INPP4B: variants seen among roughly 807,000 people sequenced by gnomAD.
INPP4B encodes inositol polyphosphate-4-phosphatase type II B.
Under a neutral mutation model 122.5 loss-of-function variants are expected in INPP4B, and 55 were observed. The ratio of observed to expected loss-of-function variants is 0.45; its 90% CI spans 0.36 to 0.56. The LOEUF is 0.56. INPP4B is among the 20% of genes least tolerant of loss of function. INPP4B has a pLI of 0.00. For missense variants in INPP4B, 1,000 were observed against 1,097.7 expected (o/e 0.91, Z 1.26); for synonymous variants, 403 against 388.7 (o/e 1.04, Z -0.43).
intron 2 of INPP4B, among the ~76,000 whole-genome samples, chr4:142,500,385 G>A (rs1823212632): frequency 6.6e-6 from 1 of 152,132 alleles, no homozygotes; most frequent in African/African-American, 2.4e-5. Flanking sequence ...TTTATCAGGA[G>A]CAATAGTAAT....
intron 2 of INPP4B, among the ~76,000 whole-genome samples, chr4:142,661,971 C>T (rs532031180): frequency 5.3e-5 from 8 of 152,242 alleles, no homozygotes; most frequent in African/African-American, 1.4e-4. Flanking sequence ...CGGTGGCTCA[C>T]GCCTGTAATC....
intron 25 of INPP4B, among the ~76,000 whole-genome samples, chr4:142,061,883 C>CAT (rs1760922182): frequency 3.4e-4 from 4 of 11,656 alleles, no homozygotes; most frequent in Admixed American, 1.5e-3. Flanking sequence ...CACACACACA[C>CAT]ACATATATAT....
chr4:142,083,975 C>T (rs971304542), intron 24 of INPP4B, among the ~76,000 whole-genome samples: 1 of 152,032 alleles, frequency 6.6e-6, no homozygotes, highest in African/African-American at 2.4e-5. Flanking sequence ...GAGGTAAGGG[C>T]ACTTCCATCA....
rs150089413 is a variant in INPP4B, at chr4:142,325,361, C to T, written c.373-10599G>A. On this transcript the variant is annotated intron_variant, in intron 7 of 25. Transcript: ENST00000262992. ...AAATATTGGTCTGTCTGTTGAGTTA[C>T]GTTTTTGACAAACTGGTTACAAATG... Among the ~76,000 whole-genome samples, 754 of 152,302 alleles carry T rather than the reference C, an allele frequency of 5.0e-3. 11 individuals are homozygous for T. Among genetic ancestry groups the T allele is most frequent in the South Asian group, 0.018 (86 of 4,828 alleles).
intron 21 of INPP4B, among the ~76,000 whole-genome samples, chr4:142,114,090 T>C (rs1791672775): frequency 6.6e-6 from 1 of 152,094 alleles, no homozygotes. Flanking sequence ...TCTGGCCTTT[T>C]TCACCTAGCA....
chr4:142,152,688 G>A (rs1019999980), intron 17 of INPP4B, among the ~76,000 whole-genome samples: 1 of 152,030 alleles, frequency 6.6e-6, no homozygotes, highest in African/African-American at 2.4e-5. Flanking sequence ...CAAACACCTA[G>A]GCTTAAGCAA....
chr4:142,068,005 G>T (rs999671266), intron 25 of INPP4B, among the ~76,000 whole-genome samples: 1 of 152,122 alleles, frequency 6.6e-6, no homozygotes, highest in African/African-American at 2.4e-5. Context: ...TCCTCGAGAA[G>T]AGCAACTCCA....
chr4:142,428,465 T>C (rs1808588666), intron 5 of INPP4B, among the ~76,000 whole-genome samples: 1 of 151,712 alleles, frequency 6.6e-6, no homozygotes, highest in Non-Finnish European at 1.5e-5. Context: ...CCAGTCTATA[T>C]AGTTCATATG....
chr4:142,367,140 C>A (rs1474500989), intron 7 of INPP4B, among the ~76,000 whole-genome samples: 1 of 151,042 alleles, frequency 6.6e-6, no homozygotes, highest in Non-Finnish European at 1.5e-5. Flanking sequence ...AATCCCAGAA[C>A]CTCAGCAGGG....
At chr4:142,806,351 C>A (rs1158733755) in intron 1 of INPP4B, among the ~76,000 whole-genome samples, 1 of 149,154 alleles carries the variant, frequency 6.7e-6, no homozygotes, top group Non-Finnish European at 1.5e-5. Flanking sequence ...TATTTTCAGG[C>A]ACTTGATAAT....
At position 142,505,897 on chromosome 4, in the gene INPP4B, A is replaced by G. The variant is rs1404974731; in HGVS notation, c.-190-43171T>C. Reference sequence around the variant, plus strand: ...AGATATTGTATTTATTTTCCAAACAATTCCTGCAATGCCTACTCAAAGAGT... The same window carrying G: ...AGATATTGTATTTATTTTCCAAACAGTTCCTGCAATGCCTACTCAAAGAGT... On this transcript the variant is annotated intron_variant, in intron 2 of 25. Transcript: ENST00000262992. Among the ~76,000 whole-genome samples the G allele has an allele frequency of 2.0e-5, 3 of 152,134 alleles. No homozygotes were observed. The East Asian group carries it at 5.8e-4, about 29-fold the overall frequency.
At chr4:142,379,004 T>C (rs1216109364) in intron 7 of INPP4B, among the ~76,000 whole-genome samples, 1 of 152,160 alleles carries the variant, frequency 6.6e-6, no homozygotes, top group Non-Finnish European at 1.5e-5. Context: ...GAGTTAGCTC[T>C]TGTTATTCTT....
chr4:142,579,473 G>A (rs534185531), intron 2 of INPP4B, among the ~76,000 whole-genome samples: 2 of 152,102 alleles, frequency 1.3e-5, no homozygotes, highest in East Asian at 1.9e-4. Context: ...ATTATTCTGG[G>A]TGTTTCTATA....
At chr4:142,833,405 A>G (rs889359463) in intron 1 of INPP4B, among the ~76,000 whole-genome samples, 2 of 152,100 alleles carry the variant, frequency 1.3e-5, no homozygotes, top group Admixed American at 1.3e-4. Context: ...GAATTTATAT[A>G]GTTTCTCATA....
chr4:142,319,275 C>T lies in INPP4B; in HGVS notation c.373-4513G>A, dbSNP rs139062418. 1.6e-3 allele frequency among the ~76,000 whole-genome samples: 251 copies of T among 152,190 alleles called. 1 individual carries two copies. The highest frequency in any genetic ancestry group is 2.9e-3 in the Admixed American group (45 of 15,294). On this transcript the variant is annotated intron_variant, in intron 7 of 25. Coordinates refer to ENST00000262992, the MANE Select transcript of INPP4B (RefSeq NM_001101669.3). ...TTGGTTATAGTGGAGGAACACCTCTCGGCAGGGATAGAGCCCAGATGCTCT... is the reference window on the plus strand; with the variant it reads ...TTGGTTATAGTGGAGGAACACCTCTTGGCAGGGATAGAGCCCAGATGCTCT...
chr4:142,704,667 C>A (rs1762244890), intron 2 of INPP4B, among the ~76,000 whole-genome samples: 1 of 152,170 alleles, frequency 6.6e-6, no homozygotes, highest in African/African-American at 2.4e-5. Flanking sequence ...TTTGCATATT[C>A]TTTTTCCCTG....
Position 142,028,612 on chromosome 4 carries a change from C to A in INPP4B, c.*170G>T. 1.6e-6 allele frequency: 1 copy of A among 617,870 alleles called. No homozygotes were observed. Among genetic ancestry groups the A allele is most frequent in the Non-Finnish European group, 2.7e-6 (1 of 366,470 alleles). The allele number at this position is 617,870 out of a possible 1,614,324, so 38.3% of individuals were successfully genotyped here. A position where few individuals can be genotyped will look rare whatever the true frequency, so the allele number is the denominator to read the frequency against. On this transcript the variant is annotated 3_prime_UTR_variant, in exon 26 of 26. Coordinates refer to ENST00000262992, the MANE Select transcript of INPP4B (RefSeq NM_001101669.3). ...AAGATTTTTTAAAATGGATTTCTTT[C>A]AGAGCAATATGCTGATGATGAATTG...
At chr4:142,823,999 A>G (rs1370934504) in intron 1 of INPP4B, among the ~76,000 whole-genome samples, 1 of 152,188 alleles carries the variant, frequency 6.6e-6, no homozygotes, top group Admixed American at 6.5e-5. Context: ...GGGCCTGAAT[A>G]GAACAGAAGG....
chr4:142,645,791 TC>T (rs1164563278), intron 2 of INPP4B, among the ~76,000 whole-genome samples: 1 of 152,068 alleles, frequency 6.6e-6, no homozygotes, highest in Non-Finnish European at 1.5e-5. Context: ...GTTTCTTTTT[TC>T]CCCCCAAAAT....
Sources: allele counts gnomAD v4.1 joint callset (sites outside exome capture counted in the v4.1 genomes callset), GRCh38; gene constraint gnomAD v4.1.1; transcripts MANE v1.5; gene names NCBI Gene and HGNC (gene_info 2026-07-23, HGNC 2026-07-21).